ZBTB20: variants seen among roughly 807,000 people sequenced by gnomAD.
The protein encoded by ZBTB20 is zinc finger and BTB domain-containing protein 20.
A neutral mutation model predicts 56.9 loss-of-function variants in ZBTB20; 9 were observed. The observed-to-expected ratio is 0.16, with a 90% confidence interval of 0.10 to 0.28. The LOEUF is 0.28. ZBTB20 is among the 10% of genes least tolerant of loss of function. ZBTB20 has a pLI of 1.00. For synonymous variants in ZBTB20, 417 were observed against 420.7 expected (o/e 0.99, Z 0.11); for missense variants, 655 against 1,003.0 (o/e 0.65, Z 4.69).
intron 2 of ZBTB20, among the ~76,000 whole-genome samples, chr3:114,986,684 C>T (rs185139905): frequency 2.0e-5 from 3 of 152,184 alleles, no homozygotes; most frequent in Non-Finnish European, 2.9e-5. Flanking sequence ...TACACCTTTA[C>T]CTGTTTCTGG....
intron 7 of ZBTB20, among the ~76,000 whole-genome samples, chr3:114,496,320 T>C (rs1433879644): frequency 6.6e-6 from 1 of 152,184 alleles, no homozygotes; most frequent in East Asian, 1.9e-4. Context: ...CAGTGCCCAG[T>C]GTTGCATGTT....
At chr3:114,618,055 AC>A (rs2107737073) in intron 6 of ZBTB20, among the ~76,000 whole-genome samples, 1 of 148,136 alleles carries the variant, frequency 6.8e-6, no homozygotes, top group Non-Finnish European at 1.5e-5. Flanking sequence ...CTAGAAAGTA[AC>A]TACAAGGAGA....
At chr3:115,025,095 C>A (rs909943681) in intron 2 of ZBTB20, among the ~76,000 whole-genome samples, 12 of 151,244 alleles carry the variant, frequency 7.9e-5, no homozygotes, top group Non-Finnish European at 1.6e-4. Flanking sequence ...TTCCCTCCTC[C>A]CACCTTCCAT....
intron 3 of ZBTB20, among the ~76,000 whole-genome samples, chr3:114,964,158 T>C (rs889982970): frequency 3.9e-5 from 6 of 152,172 alleles, no homozygotes; most frequent in Non-Finnish European, 8.8e-5. Context: ...CTTACACCTG[T>C]AATCTCAGCA....
intron 2 of ZBTB20, among the ~76,000 whole-genome samples, chr3:115,013,025 T>C (rs1007605129): frequency 7.2e-5 from 11 of 151,748 alleles, no homozygotes; most frequent in East Asian, 3.9e-4. Flanking sequence ...CAAATGATAG[T>C]AAAAACACAA....
At chr3:114,993,051 T>C (rs548859865) in intron 2 of ZBTB20, among the ~76,000 whole-genome samples, 16 of 152,114 alleles carry the variant, frequency 1.1e-4, no homozygotes, top group Admixed American at 7.9e-4. Context: ...CAAAAACTGA[T>C]ACTCTTTTGT....
chr3:114,487,518 A>T (rs963353310), intron 7 of ZBTB20, among the ~76,000 whole-genome samples: 1 of 152,202 alleles, frequency 6.6e-6, no homozygotes, highest in African/African-American at 2.4e-5. Flanking sequence ...AGAGGGGGAA[A>T]AATGCCCCAG....
intron 3 of ZBTB20, among the ~76,000 whole-genome samples, chr3:114,958,404 T>A (rs1259036656): frequency 6.6e-6 from 1 of 152,218 alleles, no homozygotes; most frequent in Non-Finnish European, 1.5e-5. Flanking sequence ...AAAAATTTTT[T>A]AATGAAGACA....
intron 2 of ZBTB20, among the ~76,000 whole-genome samples, chr3:115,017,218 C>T (rs985827316): frequency 3.3e-5 from 5 of 151,652 alleles, no homozygotes; most frequent in South Asian, 2.1e-4. Flanking sequence ...AAGTCGCTAG[C>T]GTTCCTATAC....
At chr3:114,800,109 A>G (rs2071606331) in intron 5 of ZBTB20, among the ~76,000 whole-genome samples, 1 of 151,946 alleles carries the variant, frequency 6.6e-6, no homozygotes, top group Admixed American at 6.6e-5. Context: ...TAGCGAAAGA[A>G]CTTGCAATAC....
intron 7 of ZBTB20, among the ~76,000 whole-genome samples, chr3:114,481,146 A>G (rs546786663): frequency 6.6e-6 from 1 of 152,202 alleles, no homozygotes; most frequent in South Asian, 2.1e-4. Flanking sequence ...AAATGGCTTA[A>G]GTATATATTT....
intron 10 of ZBTB20, among the ~76,000 whole-genome samples, chr3:114,377,369 T>G (rs2083766971): frequency 6.6e-6 from 1 of 152,194 alleles, no homozygotes; most frequent in African/African-American, 2.4e-5. Flanking sequence ...AGAAAGCATA[T>G]CTCAACTATA....
chr3:115,145,156 A>C (rs1356282636), intron 1 of ZBTB20, among the ~76,000 whole-genome samples: 1 of 152,234 alleles, frequency 6.6e-6, no homozygotes, highest in Non-Finnish European at 1.5e-5. Context: ...AGACTACTGG[A>C]AAGATGGCAC....
At chr3:114,874,805 G>A (rs1375720502) in intron 4 of ZBTB20, among the ~76,000 whole-genome samples, 1 of 152,138 alleles carries the variant, frequency 6.6e-6, no homozygotes, top group African/African-American at 2.4e-5. Flanking sequence ...AGGAATTGGT[G>A]CTTGCCAACT....
intron 4 of ZBTB20, among the ~76,000 whole-genome samples, chr3:114,801,644 T>C (rs915292246): frequency 2.0e-5 from 3 of 151,932 alleles, no homozygotes; most frequent in Admixed American, 2.0e-4. Context: ...TAAGAAATGC[T>C]AGATCTCCTA....
At chr3:114,734,488 T>A (rs959647287) in intron 5 of ZBTB20, among the ~76,000 whole-genome samples, 1 of 152,008 alleles carries the variant, frequency 6.6e-6, no homozygotes, top group Non-Finnish European at 1.5e-5. Flanking sequence ...CATCCATAGG[T>A]TCTTGGAAAC....
intron 10 of ZBTB20, among the ~76,000 whole-genome samples, chr3:114,367,424 C>G (rs1472735004): frequency 6.6e-6 from 1 of 152,100 alleles, no homozygotes; most frequent in African/African-American, 2.4e-5. Context: ...CACCACTATG[C>G]CCCGCTAACT....
At position 114,499,731 on chromosome 3, in the gene ZBTB20, GT is replaced by G. The variant is rs373077122; in HGVS notation, c.-255+620del. Among the ~76,000 whole-genome samples the G allele has an allele frequency of 5.0e-3, 760 of 150,824 alleles. 9 individuals carry two copies. Among genetic ancestry groups the G allele is most frequent in the African/African-American group, 0.016 (673 of 41,074 alleles). ...TCTCTTTTTTTTCATATAAAATCGT[GT>G]TTTTTTTTCCCCCCGAATACCTTTC... On this transcript the variant is annotated intron_variant, in intron 7 of 11. Transcript: ENST00000675478.
At chr3:114,987,411 T>C (rs1460091196) in intron 2 of ZBTB20, among the ~76,000 whole-genome samples, 1 of 152,100 alleles carries the variant, frequency 6.6e-6, no homozygotes, top group African/African-American at 2.4e-5. Flanking sequence ...AAAAATTACA[T>C]TTTCAAAAGC....
Sources: gnomAD v4.1 joint callset for allele counts (sites outside exome capture counted in the v4.1 genomes callset) on GRCh38, gnomAD v4.1.1 for gene constraint, MANE v1.5 for transcripts, NCBI Gene and HGNC (gene_info 2026-07-23, HGNC 2026-07-21) for gene names.